NEDD4L: variants seen among roughly 807,000 people sequenced by gnomAD.
NEDD4L encodes E3 ubiquitin-protein ligase NEDD4-like.
NEDD4L carries 54 observed loss-of-function variants against 148.9 expected under a neutral mutation model. The observed-to-expected ratio is 0.36, with a 90% CI of 0.29 to 0.45. The LOEUF (loss-of-function observed/expected upper bound fraction) is 0.45. Among genes scored for constraint, NEDD4L ranks in the 20% least tolerant of loss-of-function variants. The pLI is 1.00. For synonymous variants in NEDD4L, 433 were observed against 440.7 expected (o/e 0.98, Z 0.22); for missense variants, 856 against 1,233.8 (o/e 0.69, Z 4.59).
rs1015072220 is a variant in NEDD4L, at chr18:58,226,949, A to G, written c.123-18478A>G. Among the ~76,000 whole-genome samples the G allele has an allele frequency of 7.2e-5, 11 of 152,198 alleles. No individual in the cohort carries two copies. The East Asian group carries it at 7.7e-4, about 11-fold the overall frequency. On this transcript the variant is annotated intron_variant, in intron 2 of 30. Coordinates refer to ENST00000400345, the MANE Select transcript of NEDD4L (RefSeq NM_001144967.3). ...TCTTTGTCAAATATGCAATTGTTATATTTTTGTTAGAGTCTGCCTCTCCAG... is the reference window on the plus strand; with the variant it reads ...TCTTTGTCAAATATGCAATTGTTATGTTTTTGTTAGAGTCTGCCTCTCCAG...
intron 5 of NEDD4L, among the ~76,000 whole-genome samples, chr18:58,274,644 A>G (rs765392703): frequency 4.6e-5 from 7 of 152,268 alleles, no homozygotes; most frequent in Non-Finnish European, 1.0e-4. Context: ...TTGCAGAAAG[A>G]GAAGAGTTCT....
intron 10 of NEDD4L, among the ~76,000 whole-genome samples, chr18:58,330,530 A>G (rs2059703243): frequency 6.6e-6 from 1 of 151,928 alleles, no homozygotes; most frequent in South Asian, 2.1e-4. Flanking sequence ...TGGGCAGGTT[A>G]TTTTCTGTGC....
chr18:58,335,744 A>T, intron 13 of NEDD4L: 1 of 481,498 alleles, frequency 2.1e-6, no homozygotes, highest in East Asian at 3.4e-5. Flanking sequence ...GTCCCACATA[A>T]TTTTATTAGG....
intron 2 of NEDD4L, among the ~76,000 whole-genome samples, chr18:58,172,508 G>T (rs970593257): frequency 2.0e-5 from 3 of 152,210 alleles, no homozygotes; most frequent in African/African-American, 7.2e-5. Flanking sequence ...GAGCTCGTTG[G>T]GTCCTCCCAG....
intron 1 of NEDD4L, among the ~76,000 whole-genome samples, chr18:58,138,466 C>G (rs901179913): frequency 4.0e-5 from 6 of 151,644 alleles, no homozygotes; most frequent in African/African-American, 1.2e-4. Flanking sequence ...GAAAGACAAG[C>G]CATTTTAGTT....
chr18:58,245,018 A>G (rs1224838526), intron 2 of NEDD4L, among the ~76,000 whole-genome samples: 1 of 152,060 alleles, frequency 6.6e-6, no homozygotes, highest in Non-Finnish European at 1.5e-5. Flanking sequence ...TTAATCTGTA[A>G]AATGGTAGGT....
chr18:58,142,311 G>A (rs996575998), intron 1 of NEDD4L, among the ~76,000 whole-genome samples: 1 of 148,214 alleles, frequency 6.7e-6, no homozygotes, highest in Non-Finnish European at 1.5e-5. Context: ...ACCTCCCAAA[G>A]TGCTGGGATT....
At chr18:58,367,650 G>T (rs2046301713) in intron 21 of NEDD4L, 96 bp from the exon 22 acceptor site, 1 of 1,342,282 alleles carries the variant, frequency 7.4e-7, no homozygotes, top group Non-Finnish European at 1.1e-6. Flanking sequence ...ATGCTCGCAG[G>T]GACACTGTAA....
At chr18:58,330,420 C>T (rs1483906913) in intron 10 of NEDD4L, among the ~76,000 whole-genome samples, 1 of 152,154 alleles carries the variant, frequency 6.6e-6, no homozygotes, top group Non-Finnish European at 1.5e-5. Flanking sequence ...AGTCACTGTT[C>T]AGAGAGGCAT....
At chr18:58,084,673 G>T (rs1035029263) in intron 1 of NEDD4L, among the ~76,000 whole-genome samples, 11 of 120,852 alleles carry the variant, frequency 9.1e-5, no homozygotes, top group African/African-American at 1.9e-4. Context: ...TGGGGTTTTT[G>T]TGTGTGTGTG....
intron 1 of NEDD4L, among the ~76,000 whole-genome samples, chr18:58,068,086 A>G (rs1324254982): frequency 4.6e-5 from 7 of 151,692 alleles, no homozygotes; most frequent in African/African-American, 1.7e-4. Flanking sequence ...CAGCCTCCTG[A>G]GTAGCTGGGA....
At chr18:58,230,277 A>G (rs2044982604) in intron 2 of NEDD4L, among the ~76,000 whole-genome samples, 1 of 152,148 alleles carries the variant, frequency 6.6e-6, no homozygotes, top group African/African-American at 2.4e-5. Context: ...TGATTTGAAT[A>G]TTTGTTTTTA....
At chr18:58,311,880 C>T (rs140964376) in intron 5 of NEDD4L, among the ~76,000 whole-genome samples, 249 of 152,298 alleles carry the variant, frequency 1.6e-3, no homozygotes, top group African/African-American at 5.7e-3. Context: ...TTCACTGGAG[C>T]GATTATAATA....
At chr18:58,144,047 G>C (rs2033841546) in intron 1 of NEDD4L, among the ~76,000 whole-genome samples, 2 of 150,796 alleles carry the variant, frequency 1.3e-5, no homozygotes, top group Non-Finnish European at 2.9e-5. Flanking sequence ...TGTTTTCTTT[G>C]GCCAAGACAG....
In NEDD4L at chr18:58,387,419, G is replaced by GTTTTTTTTTTTTTTTTTTTTTTTTTT; in HGVS notation, c.2488-8_2488-7insTTTTTTTTTTTTTTTTTTTTTTTTTT. Reference sequence around the variant, plus strand: ...TTTGAAGGCAATAGGTGTTTAAGATGTTTTTTTTTTTTCTTTCAGGGATTC... The same window carrying GTTTTTTTTTTTTTTTTTTTTTTTTTT: ...TTTGAAGGCAATAGGTGTTTAAGATGTTTTTTTTTTTTTTTTTTTTTTTTTTTTTTTTTTTTTTCTTTCAGGGATTC... On this transcript the variant is annotated intron_variant, in intron 26 of 30. Transcript: ENST00000400345. 1 of 1,125,750 alleles carries GTTTTTTTTTTTTTTTTTTTTTTTTTT rather than the reference G, an allele frequency of 8.9e-7. No homozygotes were observed. Among genetic ancestry groups the GTTTTTTTTTTTTTTTTTTTTTTTTTT allele is most frequent in the Non-Finnish European group, 1.2e-6 (1 of 834,510 alleles). The allele number at this position is 1,125,750 out of a possible 1,614,324, so 69.7% of individuals were successfully genotyped here.
At chr18:58,294,378 G>A (rs1260594489) in intron 5 of NEDD4L, among the ~76,000 whole-genome samples, 2 of 152,162 alleles carry the variant, frequency 1.3e-5, no homozygotes, top group African/African-American at 2.4e-5. Context: ...GGGTGATGGG[G>A]AGACTCTCAC....
chr18:58,145,085 A>G (rs2033959700), intron 1 of NEDD4L, among the ~76,000 whole-genome samples: 1 of 152,138 alleles, frequency 6.6e-6, no homozygotes, highest in African/African-American at 2.4e-5. Context: ...CACTGCTGAT[A>G]CTACCTCTGC....
intron 2 of NEDD4L, among the ~76,000 whole-genome samples, chr18:58,205,266 A>C (rs761473399): frequency 6.6e-6 from 1 of 152,234 alleles, no homozygotes; most frequent in Non-Finnish European, 1.5e-5. Flanking sequence ...TGGTAGGAGA[A>C]TGAGCAGTAA....
rs185279663 is a variant in NEDD4L at position 58,104,725 on chromosome 18, T to C, written c.48+60017T>C. Reference sequence around the variant, plus strand: ...ATGCTTTGACAAAATTTTTAAGAAGTCACAGAACAATTGCATTTTTTCCTT... The same window carrying C: ...ATGCTTTGACAAAATTTTTAAGAAGCCACAGAACAATTGCATTTTTTCCTT... On this transcript the variant is annotated intron_variant, in intron 1 of 30. Transcript: ENST00000400345. Among the ~76,000 whole-genome samples the C allele has an allele frequency of 3.9e-3, 593 of 152,302 alleles. 6 individuals are homozygous for C. The highest frequency in any genetic ancestry group is 0.013 in the African/African-American group (557 of 41,564).
Sources: allele counts gnomAD v4.1 joint callset (sites outside exome capture counted in the v4.1 genomes callset), GRCh38; gene constraint gnomAD v4.1.1; transcripts MANE v1.5; gene names NCBI Gene and HGNC (gene_info 2026-07-23, HGNC 2026-07-21).